The following ARHGEF33 variants were observed in gnomAD, a reference collection of about 807,000 sequenced individuals.
ARHGEF33 encodes DH and coiled-coil domain-containing protein ENSP00000381780.
In ARHGEF33, 72 loss-of-function variants were observed where a neutral mutation model predicts 101.9. The observed-to-expected ratio is 0.71, with a 90% CI of 0.58 to 0.86. The LOEUF is 0.86. ARHGEF33 is among the 40% of genes least tolerant of loss of function. ARHGEF33 has a pLI of 0.00. For missense variants in ARHGEF33, 1,169 were observed against 1,111.3 expected, an observed-to-expected ratio of 1.05 and a Z score of -0.74; for synonymous variants, 499 against 442.5, an observed-to-expected ratio of 1.13 and a Z score of -1.60.
chr2:38,945,706 G>A (rs565340681), intron 10 of ARHGEF33, among the ~76,000 whole-genome samples: 7 of 152,360 alleles, frequency 4.6e-5, no homozygotes, highest in Admixed American at 1.3e-4. Flanking sequence ...AGCCAGCAGC[G>A]TCTCTTCTTA....
chr2:38,959,565 T>C (rs1667859056), intron 15 of ARHGEF33: 2 of 350,486 alleles, frequency 5.7e-6, no homozygotes, highest in African/African-American at 2.1e-5. Context: ...GTGAGGAGGG[T>C]CAGGGCTTCC....
intron 10 of ARHGEF33, 39 bp downstream of exon 10, chr2:38,944,069 T>G (rs1307018059): frequency 6.5e-6 from 10 of 1,527,442 alleles, no homozygotes; most frequent in Non-Finnish European, 2.6e-6. Flanking sequence ...TCAGATTGAT[T>G]AGGATTTAAG....
chr2:38,935,899 C>A, intron 8 of ARHGEF33, 65 bp downstream of exon 8: 1 of 1,294,276 alleles, frequency 7.7e-7, no homozygotes, highest in Non-Finnish European at 1.1e-6. Context: ...CTTCTATCTT[C>A]CCTGCTTCCA....
intron 14 of ARHGEF33, 100 bp downstream of exon 14, chr2:38,957,147 G>A (rs536103916): frequency 1.4e-6 from 2 of 1,398,828 alleles, no homozygotes; most frequent in South Asian, 1.3e-5. Flanking sequence ...AAATGCAGTG[G>A]TGGGAGGTAG....
intron 4 of ARHGEF33, among the ~76,000 whole-genome samples, chr2:38,922,266 C>A (rs6722176): frequency 0.079 from 12,058 of 152,034 alleles, 1,440 homozygotes; most frequent in African/African-American, 0.26. Context: ...ATTGACAGAG[C>A]TTGGTGGGGG....
chr2:38,892,362 T>C (rs955749420), intron 1 of ARHGEF33, among the ~76,000 whole-genome samples: 1 of 152,084 alleles, frequency 6.6e-6, no homozygotes, highest in African/African-American at 2.4e-5. Flanking sequence ...ACTGGGTTTT[T>C]TATGGAGTGT....
chr2:38,942,205 C>G (rs1272887694), intron 9 of ARHGEF33, among the ~76,000 whole-genome samples: 1 of 130,652 alleles, frequency 7.7e-6, no homozygotes, highest in Non-Finnish European at 1.6e-5. Flanking sequence ...CTTGCTCTGT[C>G]ACACCCAGGA....
chr2:38,916,502 C>G (rs1231616542), intron 2 of ARHGEF33, among the ~76,000 whole-genome samples: 1 of 152,106 alleles, frequency 6.6e-6, no homozygotes, highest in Non-Finnish European at 1.5e-5. Flanking sequence ...AAGTTTTCGT[C>G]TTAGTAATAT....
chr2:38,900,471 T>C (rs999458551), intron 2 of ARHGEF33, among the ~76,000 whole-genome samples: 5 of 152,212 alleles, frequency 3.3e-5, no homozygotes, highest in Non-Finnish European at 7.3e-5. Flanking sequence ...ACTGTGATCA[T>C]CTGCACATGT....
intron 16 of ARHGEF33, among the ~76,000 whole-genome samples, 170 bp downstream of exon 16, chr2:38,960,818 G>T (rs899028220): frequency 2.0e-5 from 3 of 152,206 alleles, no homozygotes; most frequent in African/African-American, 7.2e-5. Context: ...GGCAGCCCCC[G>T]CGCCCTGCGA....
In ARHGEF33 at chr2:38,967,936, CTTTTTTTTTTTTTT is replaced by C. The variant is rs397871559; in HGVS notation, c.2483+1806_2483+1819del. On this transcript the variant is annotated intron_variant, in intron 17 of 17. Transcript: ENST00000409978. The stretch of plus-strand genomic sequence containing the variant: ...TCCTAAGGGCACAGCTTGAGCCTAT[CTTTTTTTTTTTTTT>C]TTTTTTTTTTTTTTAAACCACAGTA... Among the ~76,000 whole-genome samples the C allele has an allele frequency of 6.2e-3, 600 of 96,368 alleles. 3 individuals carry two copies. Among genetic ancestry groups the C allele is most frequent in the Non-Finnish European group, 9.0e-3 (432 of 47,756 alleles). The allele number at this position is 96,368 out of a possible 152,430, so 63.2% of individuals were successfully genotyped here.
In ARHGEF33 at chr2:38,968,225, C is replaced by G. The variant is rs79267911; in HGVS notation, c.2483+2080C>G. Among the ~76,000 whole-genome samples, 803 of 152,228 alleles carry G rather than the reference C, an allele frequency of 5.3e-3. 7 individuals carry two copies. The highest frequency in any genetic ancestry group is 0.018 in the African/African-American group (749 of 41,532). ...TTCCTAAAAATGCAGCTGCGTGGAA[C>G]TGGAGCTGGCTGCGTCATGAAGGAA... On this transcript the variant is annotated intron_variant, in intron 17 of 17. Coordinates refer to ENST00000409978, the MANE Select transcript of ARHGEF33 (RefSeq NM_001145451.5).
intron 17 of ARHGEF33, chr2:38,973,055 G>T (rs1668200619): frequency 1.3e-5 from 2 of 152,238 alleles, no homozygotes; most frequent in African/African-American, 4.8e-5. Flanking sequence ...AGCTGGAATG[G>T]ATTACCCAAG....
intron 2 of ARHGEF33, among the ~76,000 whole-genome samples, chr2:38,906,629 A>G (rs1666397521): frequency 6.6e-6 from 1 of 152,068 alleles, no homozygotes; most frequent in African/African-American, 2.4e-5. Context: ...TCTTTCCCAT[A>G]TCTAGGCTTC....
At chr2:38,925,812 G>C (rs190414744) in intron 4 of ARHGEF33, among the ~76,000 whole-genome samples, 2 of 152,216 alleles carry the variant, frequency 1.3e-5, no homozygotes, top group Non-Finnish European at 2.9e-5. Flanking sequence ...GACTTTGCAA[G>C]GTTCCCAAGG....
intron 2 of ARHGEF33, among the ~76,000 whole-genome samples, chr2:38,902,513 A>G (rs1666271758): frequency 6.6e-6 from 1 of 152,210 alleles, no homozygotes; most frequent in African/African-American, 2.4e-5. Context: ...CCGTATTTGT[A>G]AAGTGACAGG....
intron 1 of ARHGEF33, among the ~76,000 whole-genome samples, chr2:38,890,982 C>A (rs6544178): frequency 3.8e-5 from 4 of 105,728 alleles, no homozygotes; most frequent in Non-Finnish European, 6.3e-5. Flanking sequence ...TTTTTTTTTT[C>A]TTTTTTCTTT....
chr2:38,907,877 T>TA (rs2124983834), intron 2 of ARHGEF33, among the ~76,000 whole-genome samples: 1 of 151,260 alleles, frequency 6.6e-6, no homozygotes, highest in East Asian at 1.9e-4. Context: ...TTTTTTTTTT[T>TA]AGACAATGTC....
At chr2:38,937,851 C>T (rs1667188840) in intron 9 of ARHGEF33, among the ~76,000 whole-genome samples, 1 of 152,102 alleles carries the variant, frequency 6.6e-6, no homozygotes, top group African/African-American at 2.4e-5. Flanking sequence ...ACTATTTAGC[C>T]AGTGATGTGG....
Sources: allele counts gnomAD v4.1 joint callset (sites outside exome capture counted in the v4.1 genomes callset), GRCh38; gene constraint gnomAD v4.1.1; transcripts MANE v1.5; gene names NCBI Gene and HGNC (gene_info 2026-07-23, HGNC 2026-07-21).